CALD1: variants seen among roughly 807,000 people sequenced by gnomAD.
CALD1 encodes the protein caldesmon.
In CALD1, 33 loss-of-function variants were observed where a neutral mutation model predicts 99.9. The observed-to-expected ratio is 0.33, with a 90% CI of 0.25 to 0.44. The LOEUF (loss-of-function observed/expected upper bound fraction) is 0.44, where lower values mean the gene tolerates loss of function less well. Among genes scored for constraint, CALD1 ranks in the 20% least tolerant of loss-of-function variants. The pLI is 1.00. For synonymous variants in CALD1, 310 were observed against 325.0 expected (o/e 0.95, Z 0.50); for missense variants, 861 against 962.1 (o/e 0.89, Z 1.39).
chr7:134,804,056 C>A (rs528006269), intron 1 of CALD1, among the ~76,000 whole-genome samples: 1 of 152,296 alleles, frequency 6.6e-6, no homozygotes, highest in Admixed American at 6.5e-5. Context: ...TCTTTTCTTG[C>A]AAATACCAAA....
At chr7:134,750,677 T>C (rs746474912) in intron 1 of CALD1, among the ~76,000 whole-genome samples, 3 of 152,154 alleles carry the variant, frequency 2.0e-5, no homozygotes, top group South Asian at 2.1e-4. Context: ...CTCTAGCACA[T>C]ACCCAATATT....
intron 3 of CALD1, among the ~76,000 whole-genome samples, chr7:134,897,309 A>T (rs202144635): frequency 1.3e-5 from 2 of 148,518 alleles, no homozygotes; most frequent in Admixed American, 6.7e-5. Context: ...CTCAGTTTTC[A>T]TTTTTTTTTT....
chr7:134,958,210 AGTG>A lies in CALD1; in HGVS notation c.1985_1987del (p.Gly662del), dbSNP rs1183700537. ...ATATGTATGTGTTTACTTTTTTAGCAGTGGTGTCAAATCGACCCATCAAGCAGC... is the reference window on the plus strand; with the variant it reads ...ATATGTATGTGTTTACTTTTTTAGCAGTGTCAAATCGACCCATCAAGCAGC... On this transcript the variant is annotated inframe_deletion and splice_region_variant, in exon 11 of 15. Transcript: ENST00000361675. The A allele has an allele frequency of 1.2e-6, 2 of 1,613,926 alleles. No homozygotes were observed. The highest frequency in any genetic ancestry group is 4.5e-5 in the East Asian group (2 of 44,874).
chr7:134,724,060 G>A, the CALD1 span, among the ~76,000 whole-genome samples: 1 of 152,276 alleles, frequency 6.6e-6, no homozygotes, highest in African/African-American at 2.4e-5. Flanking sequence ...TTTGCTATGC[G>A]GCAGCAGGAG....
chr7:134,868,984 A>T (rs1027151924), intron 3 of CALD1, among the ~76,000 whole-genome samples: 2 of 152,180 alleles, frequency 1.3e-5, no homozygotes, highest in Non-Finnish European at 2.9e-5. Flanking sequence ...AGCACATAGT[A>T]GTTTTTCATA....
At chr7:134,863,421 TA>T (rs895482065) in intron 2 of CALD1, among the ~76,000 whole-genome samples, 2 of 152,266 alleles carry the variant, frequency 1.3e-5, no homozygotes, top group Non-Finnish European at 2.9e-5. Context: ...AAAAAGTAGA[TA>T]AGACTTAGCT....
At chr7:134,771,312 T>C (rs1796876155) in intron 1 of CALD1, among the ~76,000 whole-genome samples, 1 of 152,104 alleles carries the variant, frequency 6.6e-6, no homozygotes, top group Non-Finnish European at 1.5e-5. Context: ...ATGCCTGAAA[T>C]ATGTCTAATA....
At chr7:134,813,778 A>G (rs1798450936) in intron 1 of CALD1, among the ~76,000 whole-genome samples, 3 of 152,184 alleles carry the variant, frequency 2.0e-5, no homozygotes, top group Admixed American at 1.3e-4. Context: ...ACAAATTTTA[A>G]GTAAAAGCAC....
chr7:134,718,536 GA>G, the CALD1 span, among the ~76,000 whole-genome samples: 6 of 151,980 alleles, frequency 3.9e-5, no homozygotes, highest in South Asian at 2.1e-4. Flanking sequence ...TATTTAATGG[GA>G]AAAAAATGTT....
intron 1 of CALD1, among the ~76,000 whole-genome samples, chr7:134,800,376 A>C (rs1192961470): frequency 6.6e-6 from 1 of 152,104 alleles, no homozygotes; most frequent in East Asian, 1.9e-4. Context: ...CAACTGTGCC[A>C]ATCTCCCATA....
At chr7:134,943,541 G>T (rs1276316961) in intron 7 of CALD1, among the ~76,000 whole-genome samples, 2 of 152,146 alleles carry the variant, frequency 1.3e-5, no homozygotes, top group Non-Finnish European at 2.9e-5. Flanking sequence ...ATATAGCGAT[G>T]CAAATTATAC....
chr7:134,799,462 C>T (rs1197029779), intron 1 of CALD1, among the ~76,000 whole-genome samples: 1 of 152,148 alleles, frequency 6.6e-6, no homozygotes, highest in Non-Finnish European at 1.5e-5. Context: ...TAGCCATCTG[C>T]TTTGGTCTTT....
intron 3 of CALD1, among the ~76,000 whole-genome samples, chr7:134,875,498 G>A (rs567675821): frequency 4.1e-4 from 62 of 152,302 alleles, no homozygotes; most frequent in Admixed American, 1.7e-3. Flanking sequence ...TAAGCTGGGC[G>A]TGGCAGTGGG....
intron 1 of CALD1, among the ~76,000 whole-genome samples, chr7:134,772,020 A>C (rs1333939553): frequency 6.6e-6 from 1 of 151,970 alleles, no homozygotes; most frequent in Non-Finnish European, 1.5e-5. Flanking sequence ...TGTTCACAAC[A>C]TCTAGAACAG....
At chr7:134,966,348 C>T (rs988513853) in intron 14 of CALD1, among the ~76,000 whole-genome samples, 2 of 152,174 alleles carry the variant, frequency 1.3e-5, no homozygotes, top group Non-Finnish European at 1.5e-5. Flanking sequence ...CTACGTATTG[C>T]GCTTTTATTC....
At chr7:134,733,635 C>T in the CALD1 span, among the ~76,000 whole-genome samples, 13 of 151,576 alleles carry the variant, frequency 8.6e-5, no homozygotes, top group Non-Finnish European at 1.6e-4. Flanking sequence ...GGTGAAACCC[C>T]GTCTCTACTA....
At chr7:134,728,165 C>T in the CALD1 span, among the ~76,000 whole-genome samples, 7 of 184 alleles carry the variant, frequency 0.038, no homozygotes, top group East Asian at 0.38. Context: ...TGACGTTGAG[C>T]CTATTTGGCC....
the CALD1 span, among the ~76,000 whole-genome samples, chr7:134,725,119 G>A: frequency 6.6e-6 from 1 of 152,174 alleles, no homozygotes; most frequent in Non-Finnish European, 1.5e-5. Flanking sequence ...AGAAAGAACT[G>A]TAATCTCTTT....
At chr7:134,793,022 C>T (rs967389848) in intron 1 of CALD1, among the ~76,000 whole-genome samples, 3 of 152,242 alleles carry the variant, frequency 2.0e-5, no homozygotes, top group Admixed American at 6.5e-5. Flanking sequence ...CATACTGTGG[C>T]CTATCTGTGG....
Sources: gnomAD v4.1 joint callset for allele counts (sites outside exome capture counted in the v4.1 genomes callset) on GRCh38, gnomAD v4.1.1 for gene constraint, MANE v1.5 for transcripts, NCBI Gene and HGNC (gene_info 2026-07-23, HGNC 2026-07-21) for gene names.